Variants in CACNA2D1 observed in about 807,000 individuals in gnomAD.
CACNA2D1 encodes voltage-dependent calcium channel subunit alpha-2/delta-1.
CACNA2D1 carries 53 observed loss-of-function variants against 171.5 expected under a neutral mutation model. The ratio of observed to expected loss-of-function variants is 0.31; its 90% confidence interval spans 0.25 to 0.39. The LOEUF (loss-of-function observed/expected upper bound fraction) is 0.39, where lower values mean the gene tolerates loss of function less well. CACNA2D1 is among the 10% of genes least tolerant of loss of function. CACNA2D1 has a pLI of 1.00. For synonymous variants in CACNA2D1, 442 were observed against 443.1 expected (o/e 1.00, Z 0.03); for missense variants, 903 against 1,299.8 (o/e 0.69, Z 4.69).
At chr7:82,353,638 C>T (rs1190426611) in intron 1 of CACNA2D1, among the ~76,000 whole-genome samples, 2 of 151,788 alleles carry the variant, frequency 1.3e-5, no homozygotes, top group Non-Finnish European at 2.9e-5. Flanking sequence ...AAAAGGAATC[C>T]AAGAACAATG....
intron 1 of CACNA2D1, among the ~76,000 whole-genome samples, chr7:82,367,939 G>A (rs769670551): frequency 3.3e-5 from 5 of 151,752 alleles, no homozygotes; most frequent in African/African-American, 4.8e-5. Context: ...TATATAAAAT[G>A]TCCACAAAAC....
intron 4 of CACNA2D1, among the ~76,000 whole-genome samples, chr7:82,141,050 A>G (rs377552466): frequency 7.4e-4 from 113 of 151,900 alleles, no homozygotes; most frequent in African/African-American, 2.5e-3. Flanking sequence ...AATTTCAACT[A>G]TAATTTTGAG....
chr7:82,066,388 T>C (rs1326949434), intron 8 of CACNA2D1, 67 bp downstream of exon 8: 1 of 1,580,820 alleles, frequency 6.3e-7, no homozygotes, highest in African/African-American at 1.4e-5. Context: ...TAAAAAATTC[T>C]GACTTTTTAG....
chr7:82,075,117 G>A (rs2128997522), intron 7 of CACNA2D1, among the ~76,000 whole-genome samples: 1 of 151,706 alleles, frequency 6.6e-6, no homozygotes, highest in Admixed American at 6.6e-5. Flanking sequence ...GTGGTGTTTG[G>A]TTTTCTCTAT....
chr7:82,299,237 T>G (rs1397618320), intron 3 of CACNA2D1, among the ~76,000 whole-genome samples: 1 of 152,140 alleles, frequency 6.6e-6, no homozygotes, highest in Non-Finnish European at 1.5e-5. Flanking sequence ...TAGGTTTTTT[T>G]GTTTGTTTTG....
At chr7:82,441,451 T>C (rs893311568) in intron 1 of CACNA2D1, among the ~76,000 whole-genome samples, 38 of 152,092 alleles carry the variant, frequency 2.5e-4, no homozygotes, top group African/African-American at 7.0e-4. Flanking sequence ...AAATTTCAGA[T>C]CCTTCCAAAG....
intron 6 of CACNA2D1, among the ~76,000 whole-genome samples, chr7:82,111,437 T>TAA (rs1297109343): frequency 1.1e-5 from 1 of 87,532 alleles, no homozygotes; most frequent in Non-Finnish European, 2.2e-5. Flanking sequence ...TGTATATATA[T>TAA]ATATATATTT....
At chr7:82,419,046 C>T (rs920210313) in intron 1 of CACNA2D1, among the ~76,000 whole-genome samples, 3 of 150,958 alleles carry the variant, frequency 2.0e-5, no homozygotes, top group African/African-American at 7.3e-5. Flanking sequence ...AGAGGCGGAG[C>T]TTGCAGTGAG....
At chr7:82,415,398 G>A (rs1478226953) in intron 1 of CACNA2D1, among the ~76,000 whole-genome samples, 5 of 152,224 alleles carry the variant, frequency 3.3e-5, no homozygotes, top group African/African-American at 9.6e-5. Flanking sequence ...GCTGGGCATG[G>A]TGGTGGGTGC....
At chr7:82,057,997 C>A (rs1355803746) in intron 10 of CACNA2D1, among the ~76,000 whole-genome samples, 1 of 152,114 alleles carries the variant, frequency 6.6e-6, no homozygotes, top group Non-Finnish European at 1.5e-5. Context: ...CTGGGCCAGG[C>A]TTCTAACTAC....
chr7:82,229,679 T>TTTATTA lies in CACNA2D1; in HGVS notation c.295-59071_295-59070insTAATAA, dbSNP rs1321062614. Among the ~76,000 whole-genome samples the TTTATTA allele has an allele frequency of 1.8e-3, 254 of 143,470 alleles. 4 individuals carry two copies. Among genetic ancestry groups the TTTATTA allele is most frequent in the African/African-American group, 6.3e-3 (244 of 38,760 alleles). 94.1% of individuals were successfully genotyped at this position (143,470 alleles called of 152,430 possible). A position where few individuals can be genotyped will look rare whatever the true frequency, so the allele number is the denominator to read the frequency against. On this transcript the variant is annotated intron_variant, in intron 3 of 38. Coordinates refer to ENST00000356860, the MANE Select transcript of CACNA2D1 (RefSeq NM_000722.4). ...GCCTTTCCCACACTTCTGGTTTACT[T>TTTATTA]TTTTTATTTTTATTTTATTTTATTT...
chr7:82,312,679 G>C (rs575453305), intron 3 of CACNA2D1, among the ~76,000 whole-genome samples: 1 of 147,970 alleles, frequency 6.8e-6, no homozygotes, highest in East Asian at 2.0e-4. Flanking sequence ...ACCATGCCCA[G>C]CTAATTTTTT....
At chr7:81,987,406 G>C (rs2130701035) in intron 21 of CACNA2D1, among the ~76,000 whole-genome samples, 1 of 152,258 alleles carries the variant, frequency 6.6e-6, no homozygotes, top group East Asian at 1.9e-4. Context: ...AGTGTTTTGT[G>C]ACTGACAGAA....
chr7:82,283,765 C>T (rs1442318029), intron 3 of CACNA2D1, among the ~76,000 whole-genome samples: 2 of 151,774 alleles, frequency 1.3e-5, no homozygotes, highest in African/African-American at 4.8e-5. Context: ...TACAATAATG[C>T]AAAAACTAAT....
chr7:82,041,051 T>TG (rs5885265), intron 10 of CACNA2D1, among the ~76,000 whole-genome samples: 2 of 144,820 alleles, frequency 1.4e-5, no homozygotes, highest in African/African-American at 2.5e-5. Flanking sequence ...AGCCTTGGGT[T>TG]GGGGGGGTGG....
intron 3 of CACNA2D1, among the ~76,000 whole-genome samples, chr7:82,254,315 G>T (rs959159775): frequency 3.9e-5 from 6 of 152,012 alleles, no homozygotes; most frequent in African/African-American, 1.4e-4. Context: ...ACCATAAAAG[G>T]TTACTTGTTT....
At chr7:82,241,755 GTAAT>G (rs1299805235) in intron 3 of CACNA2D1, among the ~76,000 whole-genome samples, 2 of 152,104 alleles carry the variant, frequency 1.3e-5, no homozygotes, top group Non-Finnish European at 2.9e-5. Context: ...TCACATATAT[GTAAT>G]TAATTTCTAT....
At chr7:82,146,242 C>T (rs1412213054) in intron 4 of CACNA2D1, among the ~76,000 whole-genome samples, 2 of 151,308 alleles carry the variant, frequency 1.3e-5, no homozygotes, top group East Asian at 3.9e-4. Flanking sequence ...GGAAATACCT[C>T]CCTAGAAGAA....
At chr7:82,156,904 C>T (rs2367911) in intron 4 of CACNA2D1, among the ~76,000 whole-genome samples, 16,744 of 151,954 alleles carry the variant, frequency 0.11, 1,571 homozygotes, top group African/African-American at 0.24. Context: ...AGTAAATTTC[C>T]TATCAAACCA....
Sources: allele counts gnomAD v4.1 joint callset (sites outside exome capture counted in the v4.1 genomes callset), GRCh38; gene constraint gnomAD v4.1.1; transcripts MANE v1.5; gene names NCBI Gene and HGNC (gene_info 2026-07-23, HGNC 2026-07-21).